The following LDB2 variants were observed in gnomAD, a reference collection of about 807,000 sequenced individuals.
LDB2 encodes the protein LIM domain binding 2.
A neutral mutation model predicts 44.3 loss-of-function variants in LDB2; 12 were observed. That is an observed-to-expected ratio of 0.27 (90% CI 0.17 to 0.44). LDB2 has a LOEUF of 0.44. LDB2 is among the 20% of genes least tolerant of loss of function. The pLI is 1.00. For synonymous variants in LDB2, 164 were observed against 174.8 expected, an observed-to-expected ratio of 0.94 and a Z score of 0.49; for missense variants, 344 against 473.5, an observed-to-expected ratio of 0.73 and a Z score of 2.54.
At chr4:16,868,501 A>T (rs1473756423) in intron 1 of LDB2, among the ~76,000 whole-genome samples, 1 of 152,200 alleles carries the variant, frequency 6.6e-6, no homozygotes, top group Non-Finnish European at 1.5e-5. Context: ...GCCACCCCAG[A>T]CAGTCACTCA....
At position 16,735,918 on chromosome 4, in the gene LDB2, A is replaced by C. The variant is rs926059839; in HGVS notation, c.235+23240T>G. ...CAATGCAATGTGGTACCCTGGATGG[A>C]AAAACTGGTGAAATCCAAGGAAAGT... On this transcript the variant is annotated intron_variant, in intron 2 of 7. Coordinates refer to ENST00000304523, the MANE Select transcript of LDB2 (RefSeq NM_001290.5). Among the ~76,000 whole-genome samples, 4 of 152,176 alleles carry C rather than the reference A, an allele frequency of 2.6e-5. No individual in the cohort carries two copies. The East Asian group carries it at 7.7e-4, about 29-fold the overall frequency.
intron 1 of LDB2, among the ~76,000 whole-genome samples, chr4:16,880,344 C>A (rs147677751): frequency 6.6e-6 from 1 of 152,116 alleles, no homozygotes; most frequent in Non-Finnish European, 1.5e-5. Flanking sequence ...GGAGAAGGAA[C>A]GGCTGAAATC....
At chr4:16,761,551 C>T (rs1418029484) in intron 1 of LDB2, among the ~76,000 whole-genome samples, 1 of 152,156 alleles carries the variant, frequency 6.6e-6, no homozygotes, top group Non-Finnish European at 1.5e-5. Context: ...GCTTTGTGAA[C>T]TTAGCAACTT....
At chr4:16,857,184 G>A (rs191148774) in intron 1 of LDB2, among the ~76,000 whole-genome samples, 3 of 152,314 alleles carry the variant, frequency 2.0e-5, no homozygotes, top group African/African-American at 7.2e-5. Flanking sequence ...AGCAGGGGCA[G>A]GTCGAGGGAA....
chr4:16,781,376 G>C (rs1300478177), intron 1 of LDB2, among the ~76,000 whole-genome samples: 1 of 152,148 alleles, frequency 6.6e-6, no homozygotes, highest in African/African-American at 2.4e-5. Context: ...CATATGCTTT[G>C]GTGGGACACA....
At chr4:16,893,030 A>G in intron 1 of LDB2, 1 of 900,306 alleles carries the variant, frequency 1.1e-6, no homozygotes, top group Middle Eastern at 5.7e-4. Flanking sequence ...ATGGGGGAAA[A>G]AAAAGACTTC....
intron 5 of LDB2, among the ~76,000 whole-genome samples, chr4:16,560,552 C>A (rs1388730040): frequency 1.3e-5 from 2 of 152,258 alleles, no homozygotes; most frequent in South Asian, 4.2e-4. Flanking sequence ...CAATAACAGT[C>A]TCTGAAATTG....
At position 16,734,092 on chromosome 4, in the gene LDB2, TACTC is replaced by T. The variant is rs371871904; in HGVS notation, c.235+25062_235+25065del. On this transcript the variant is annotated intron_variant, in intron 2 of 7. Coordinates refer to ENST00000304523, the MANE Select transcript of LDB2 (RefSeq NM_001290.5). ...CTCATCTGATAAATAAGAATAATGA[TACTC>T]ACCTTTTAAAGTTGTTGGCTGGATT... Among the ~76,000 whole-genome samples, 68 of 152,330 alleles carry T rather than the reference TACTC, an allele frequency of 4.5e-4. 1 individual carries two copies. The South Asian group carries it at 0.014, about 31-fold the overall frequency.
chr4:16,639,566 A>T (rs1734578275), intron 2 of LDB2, among the ~76,000 whole-genome samples: 2 of 152,138 alleles, frequency 1.3e-5, no homozygotes, highest in South Asian at 4.1e-4. Context: ...GGTTCAAGCA[A>T]CTCTATTGCC....
intron 3 of LDB2, among the ~76,000 whole-genome samples, chr4:16,590,389 T>A (rs1449275437): frequency 2.0e-5 from 3 of 152,214 alleles, no homozygotes; most frequent in Non-Finnish European, 4.4e-5. Flanking sequence ...TAAGTATTTG[T>A]AAAACTATAG....
At chr4:16,539,005 A>G (rs1732810171) in intron 5 of LDB2, among the ~76,000 whole-genome samples, 1 of 152,166 alleles carries the variant, frequency 6.6e-6, no homozygotes, top group South Asian at 2.1e-4. Context: ...ACTGAACCAA[A>G]AGTAAGACTC....
At chr4:16,543,097 A>G (rs1290634194) in intron 5 of LDB2, among the ~76,000 whole-genome samples, 1 of 152,138 alleles carries the variant, frequency 6.6e-6, no homozygotes, top group Non-Finnish European at 1.5e-5. Flanking sequence ...TACAAAGGAC[A>G]TGAATTCATC....
At chr4:16,681,560 A>C (rs1205810013) in intron 2 of LDB2, among the ~76,000 whole-genome samples, 1 of 152,010 alleles carries the variant, frequency 6.6e-6, no homozygotes. Context: ...CATAGCAATA[A>C]GAATGAATTC....
At chr4:16,581,966 AGAAG>A (rs1159916123) in intron 5 of LDB2, among the ~76,000 whole-genome samples, 70 of 137,708 alleles carry the variant, frequency 5.1e-4, no homozygotes, top group East Asian at 2.0e-3. Context: ...AATAAAAGAA[AGAAG>A]GAAGGAAGGA....
At chr4:16,842,103 G>C (rs983632953) in intron 1 of LDB2, among the ~76,000 whole-genome samples, 1 of 152,162 alleles carries the variant, frequency 6.6e-6, no homozygotes, top group African/African-American at 2.4e-5. Context: ...ATGCTTTTAA[G>C]AGTCACCTTT....
At chr4:16,836,247 T>C (rs1443407638) in intron 1 of LDB2, among the ~76,000 whole-genome samples, 2 of 152,150 alleles carry the variant, frequency 1.3e-5, no homozygotes, top group African/African-American at 2.4e-5. Context: ...TCCTCAACAT[T>C]TGAAGAATCT....
At chr4:16,780,948 A>G (rs1773082233) in intron 1 of LDB2, among the ~76,000 whole-genome samples, 1 of 152,042 alleles carries the variant, frequency 6.6e-6, no homozygotes, top group Non-Finnish European at 1.5e-5. Flanking sequence ...TTGGATTCTC[A>G]TGTTTGTCAT....
At chr4:16,768,631 GTTTTCCAA>G (rs1561165800) in intron 1 of LDB2, among the ~76,000 whole-genome samples, 3 of 152,078 alleles carry the variant, frequency 2.0e-5, no homozygotes, top group Non-Finnish European at 4.4e-5. Context: ...CAGGTCATTT[GTTTTCCAA>G]GACTGTAACT....
At chr4:16,796,192 G>A (rs1420523047) in intron 1 of LDB2, among the ~76,000 whole-genome samples, 1 of 152,080 alleles carries the variant, frequency 6.6e-6, no homozygotes, top group African/African-American at 2.4e-5. Flanking sequence ...GGTTAAGGTG[G>A]GAGGATTCCT....
Sources: gnomAD v4.1 joint callset for allele counts (sites outside exome capture counted in the v4.1 genomes callset) on GRCh38, gnomAD v4.1.1 for gene constraint, MANE v1.5 for transcripts, NCBI Gene and HGNC (gene_info 2026-07-23, HGNC 2026-07-21) for gene names.